The following GABRB1 variants were observed in gnomAD, a reference collection of about 807,000 sequenced individuals.
The protein encoded by GABRB1 is gamma-aminobutyric acid receptor subunit beta-1.
In GABRB1, 17 loss-of-function variants were observed where a neutral mutation model predicts 51.6. The observed-to-expected ratio is 0.33, with a 90% CI of 0.23 to 0.49. GABRB1 has a LOEUF of 0.49. Among genes scored for constraint, GABRB1 ranks in the 20% least tolerant of loss-of-function variants. GABRB1 has a pLI of 0.99. For synonymous variants in GABRB1, 247 were observed against 218.9 expected (o/e 1.13, Z -1.14); for missense variants, 410 against 600.6 (o/e 0.68, Z 3.32).
Position 47,425,745 on chromosome 4 carries a change from C to T in GABRB1, c.1152C>T (p.Leu384=), listed in dbSNP as rs1173118911. 2 of 1,614,038 alleles carry T rather than the reference C, an allele frequency of 1.2e-6. No homozygotes were observed. Among genetic ancestry groups the T allele is most frequent in the Non-Finnish European group, 1.7e-6 (2 of 1,180,004 alleles). ...IRNETSGSEV[L]TSVSDPKATM... ...ATGAGACGAGTGGCTCGGAAGTGCT[C>T]ACGAGCGTGAGCGACCCCAAGGCCA... The change falls in exon 9 of 9, where the codon CTC becomes CTT. Residue 384 remains leucine, a synonymous_variant. Transcript: ENST00000295454.
At chr4:47,333,678 G>A (rs1320987900) in intron 5 of GABRB1, among the ~76,000 whole-genome samples, 1 of 152,128 alleles carries the variant, frequency 6.6e-6, no homozygotes, top group Admixed American at 6.5e-5. Context: ...TCGTGCCATT[G>A]CACTCTAGCC....
chr4:47,243,931 T>C (rs57474973), intron 4 of GABRB1, among the ~76,000 whole-genome samples: 1 of 151,898 alleles, frequency 6.6e-6, no homozygotes, highest in East Asian at 1.9e-4. Flanking sequence ...TTGAATAGGA[T>C]TAGTGAGAGA....
chr4:47,063,552 A>G (rs1258190576), intron 3 of GABRB1, among the ~76,000 whole-genome samples: 2 of 152,176 alleles, frequency 1.3e-5, no homozygotes, highest in African/African-American at 4.8e-5. Context: ...TGATGCCAAC[A>G]AGGACACTGA....
chr4:47,188,249 A>T (rs1038230748), intron 4 of GABRB1, among the ~76,000 whole-genome samples: 11 of 151,998 alleles, frequency 7.2e-5, no homozygotes, highest in Admixed American at 3.9e-4. Flanking sequence ...ACATCTTTTT[A>T]AAAAGCCAGT....
intron 1 of GABRB1, among the ~76,000 whole-genome samples, chr4:47,000,045 C>G (rs1408874530): frequency 1.3e-5 from 2 of 152,134 alleles, no homozygotes; most frequent in East Asian, 1.9e-4. Flanking sequence ...CTCATGTCAC[C>G]TTGTTAGTCA....
At chr4:47,122,825 G>A (rs374147663) in intron 3 of GABRB1, among the ~76,000 whole-genome samples, 2 of 152,254 alleles carry the variant, frequency 1.3e-5, no homozygotes, top group East Asian at 3.9e-4. Context: ...GTAGAAAGGA[G>A]CAAGTACTTT....
At chr4:47,248,150 G>A (rs1160028507) in intron 4 of GABRB1, among the ~76,000 whole-genome samples, 1 of 152,038 alleles carries the variant, frequency 6.6e-6, no homozygotes, top group Non-Finnish European at 1.5e-5. Flanking sequence ...GGGTCTGTGG[G>A]TTTGTCAGGG....
chr4:47,178,356 C>A (rs897130510), intron 4 of GABRB1, among the ~76,000 whole-genome samples: 1 of 152,066 alleles, frequency 6.6e-6, no homozygotes, highest in African/African-American at 2.4e-5. Flanking sequence ...GGAAGGCTCT[C>A]TCATGGTCCT....
Position 47,195,445 on chromosome 4 carries a change from TGATAGATAGATTAGATGATAGATA to T in GABRB1, c.461+33988_461+34011del, listed in dbSNP as rs202112613. Among the ~76,000 whole-genome samples, 816 of 129,674 alleles carry T rather than the reference TGATAGATAGATTAGATGATAGATA, an allele frequency of 6.3e-3. 10 individuals carry two copies. The highest frequency in any genetic ancestry group is 0.035 in the East Asian group (134 of 3,780). The allele number at this position is 129,674 out of a possible 152,430, so 85.1% of individuals were successfully genotyped here. A position where few individuals can be genotyped will look rare whatever the true frequency, so the allele number is the denominator to read the frequency against. ...ATAGATAGATAGATAGATAGATAGA[TGATAGATAGATTAGATGATAGATA>T]GATAGATAGATAGATAGATAGATAG... is the stretch of plus-strand genomic sequence containing the variant. On this transcript the variant is annotated intron_variant, in intron 4 of 8. Coordinates refer to ENST00000295454, the MANE Select transcript of GABRB1 (RefSeq NM_000812.4).
chr4:47,015,052 A>G (rs1290717598), intron 1 of GABRB1, among the ~76,000 whole-genome samples: 2 of 152,272 alleles, frequency 1.3e-5, no homozygotes, highest in South Asian at 2.1e-4. Context: ...TATTACAGGC[A>G]CACGCCACCA....
At chr4:47,143,063 G>A (rs552341788) in intron 3 of GABRB1, among the ~76,000 whole-genome samples, 6 of 151,814 alleles carry the variant, frequency 4.0e-5, no homozygotes, top group South Asian at 2.1e-4. Context: ...AACTAATAAC[G>A]AAACTTAAAA....
At chr4:47,289,987 T>A (rs1723661407) in intron 4 of GABRB1, among the ~76,000 whole-genome samples, 1 of 152,184 alleles carries the variant, frequency 6.6e-6, no homozygotes. Context: ...GCAAAAGCAG[T>A]GAGAAATGCT....
intron 4 of GABRB1, among the ~76,000 whole-genome samples, chr4:47,205,197 A>C (rs1224367986): frequency 6.6e-6 from 1 of 152,184 alleles, no homozygotes; most frequent in Non-Finnish European, 1.5e-5. Context: ...GCAAATTTAC[A>C]TGGACTGATT....
chr4:47,019,888 A>ATATATGTATATGTATATG (rs56015998), intron 1 of GABRB1, among the ~76,000 whole-genome samples: 2,501 of 139,640 alleles, frequency 0.018, 47 homozygotes, highest in East Asian at 0.042. Flanking sequence ...TATATATATA[A>ATATATGTATATGTATATG]TATATGTATA....
upstream of GABRB1, among the ~76,000 whole-genome samples, chr4:47,026,785 A>G (rs1250062845): frequency 6.6e-6 from 1 of 152,218 alleles, no homozygotes; most frequent in East Asian, 1.9e-4. Context: ...ATTTAATTAT[A>G]CAGGAGAAGT....
intron 4 of GABRB1, among the ~76,000 whole-genome samples, chr4:47,226,881 T>C (rs1720960093): frequency 6.6e-6 from 1 of 152,056 alleles, no homozygotes; most frequent in African/African-American, 2.4e-5. Context: ...AGCTAAAACA[T>C]GTAACTAGGA....
chr4:47,290,869 T>C (rs1723700353), intron 4 of GABRB1, among the ~76,000 whole-genome samples: 1 of 152,022 alleles, frequency 6.6e-6, no homozygotes, highest in Non-Finnish European at 1.5e-5. Context: ...AGGCATTCAG[T>C]TTCATAAGGG....
At chr4:47,149,693 C>T (rs944251123) in intron 3 of GABRB1, among the ~76,000 whole-genome samples, 3 of 151,912 alleles carry the variant, frequency 2.0e-5, no homozygotes, top group African/African-American at 7.2e-5. Flanking sequence ...TGATACAGGC[C>T]CAAGGATGAT....
At chr4:47,310,529 A>G (rs572949682) in intron 4 of GABRB1, among the ~76,000 whole-genome samples, 1 of 152,206 alleles carries the variant, frequency 6.6e-6, no homozygotes, top group Non-Finnish European at 1.5e-5. Context: ...TCATGGAAGA[A>G]ATGTTACTGA....
Sources: gnomAD v4.1 joint callset for allele counts (sites outside exome capture counted in the v4.1 genomes callset) on GRCh38, gnomAD v4.1.1 for gene constraint, MANE v1.5 for transcripts, NCBI Gene and HGNC (gene_info 2026-07-23, HGNC 2026-07-21) for gene names.